TCF12: variants seen among roughly 807,000 people sequenced by gnomAD.
TCF12 encodes the protein transcription factor 12.
TCF12 carries 45 observed loss-of-function variants against 86.0 expected under a neutral mutation model. That is an observed-to-expected ratio of 0.52 (90% CI 0.41 to 0.67). TCF12 has a LOEUF of 0.67. Among genes scored for constraint, TCF12 ranks in the 30% least tolerant of loss-of-function variants. The probability of loss-of-function intolerance (pLI) is 0.00; values close to 1 mark genes in which losing one functional copy is unlikely to be tolerated. For synonymous variants in TCF12, 330 were observed against 299.6 expected (o/e 1.10, Z -1.05); for missense variants, 881 against 859.9 (o/e 1.02, Z -0.31).
At chr15:57,252,386 G>A (rs201270050) in intron 14 of TCF12, 35 bp from the exon 15 acceptor site, 4 of 1,574,912 alleles carry the variant, frequency 2.5e-6, no homozygotes, top group Non-Finnish European at 3.5e-6. Context: ...ATCTTAACCT[G>A]TGCTTTGCCT....
intron 5 of TCF12, among the ~76,000 whole-genome samples, chr15:57,104,588 C>T (rs1012009871): frequency 1.3e-5 from 2 of 150,968 alleles, no homozygotes; most frequent in Non-Finnish European, 3.0e-5. Flanking sequence ...ACTACAGGCG[C>T]GCACACCCAG....
At chr15:56,939,414 A>T (rs1310423975) in intron 3 of TCF12, among the ~76,000 whole-genome samples, 4 of 151,176 alleles carry the variant, frequency 2.6e-5, no homozygotes, top group Non-Finnish European at 4.4e-5. Context: ...CCCTATAATT[A>T]AAAAAAAAGT....
intron 7 of TCF12, among the ~76,000 whole-genome samples, chr15:57,197,149 C>CTTTTTT (rs2057304439): frequency 1.5e-5 from 1 of 68,010 alleles, no homozygotes; most frequent in African/African-American, 4.9e-5. Context: ...CACAGAACAG[C>CTTTTTT]TTCTTTTTTT....
chr15:56,967,863 GT>G (rs1177735492), intron 3 of TCF12, among the ~76,000 whole-genome samples: 7 of 151,008 alleles, frequency 4.6e-5, no homozygotes, highest in African/African-American at 1.5e-4. Flanking sequence ...TGTGAATGTT[GT>G]TTTTTTTTAA....
intron 3 of TCF12, among the ~76,000 whole-genome samples, chr15:56,924,425 G>A (rs1045933009): frequency 6.6e-6 from 1 of 152,122 alleles, no homozygotes; most frequent in African/African-American, 2.4e-5. Flanking sequence ...AGCATTACTT[G>A]AACATATCAA....
At chr15:57,084,888 A>T (rs995922170) in intron 4 of TCF12, among the ~76,000 whole-genome samples, 1 of 152,156 alleles carries the variant, frequency 6.6e-6, no homozygotes, top group South Asian at 2.1e-4. Context: ...AAGTTAGTAC[A>T]TTAATTTAGA....
intron 3 of TCF12, among the ~76,000 whole-genome samples, chr15:57,007,796 T>TTCTTTCTTTCTC (rs1464230950): frequency 2.9e-4 from 39 of 136,802 alleles, no homozygotes; most frequent in African/African-American, 1.1e-3. Flanking sequence ...CTTTCTCTCT[T>TTCTTTCTTTCTC]TCTTTCTTTC....
intron 5 of TCF12, among the ~76,000 whole-genome samples, chr15:57,165,987 C>T (rs969362330): frequency 6.6e-6 from 1 of 151,910 alleles, no homozygotes; most frequent in African/African-American, 2.4e-5. Context: ...AAATACTATA[C>T]GTTGAAAATA....
intron 3 of TCF12, among the ~76,000 whole-genome samples, chr15:57,045,664 A>G (rs868826541): frequency 3.3e-5 from 5 of 150,480 alleles, no homozygotes; most frequent in Non-Finnish European, 5.9e-5. Context: ...TCCCACCTCA[A>G]CCTCCCAAGT....
At chr15:57,017,378 T>G (rs2065213291) in intron 3 of TCF12, among the ~76,000 whole-genome samples, 1 of 152,272 alleles carries the variant, frequency 6.6e-6, no homozygotes. Flanking sequence ...TGCTTATTTC[T>G]TGTAAATGAA....
At chr15:56,936,503 C>G (rs536515824) in intron 3 of TCF12, among the ~76,000 whole-genome samples, 2 of 152,122 alleles carry the variant, frequency 1.3e-5, no homozygotes, top group African/African-American at 4.8e-5. Context: ...ACCTCTTTAT[C>G]TTTGTTTTTG....
chr15:57,264,195 C>CTTTTTATTTTTTTTTTTTTTTTTTTTTTT (rs2060728964), intron 18 of TCF12, among the ~76,000 whole-genome samples: 1 of 50,698 alleles, frequency 2.0e-5, no homozygotes, highest in East Asian at 8.3e-4. Context: ...CTTTTGTAAG[C>CTTTTTATTTTTTTTTTTTTTTTTTTTTTT]TTTTTTTTTT....
intron 4 of TCF12, among the ~76,000 whole-genome samples, chr15:57,080,396 G>C (rs530300488): frequency 6.6e-6 from 1 of 152,260 alleles, no homozygotes; most frequent in Non-Finnish European, 1.5e-5. Context: ...CTTCATTGCC[G>C]GTTCTTTGTT....
At chr15:57,031,929 A>C (rs536282220) in intron 3 of TCF12, among the ~76,000 whole-genome samples, 1 of 152,094 alleles carries the variant, frequency 6.6e-6, no homozygotes, top group Non-Finnish European at 1.5e-5. Flanking sequence ...TCTGAGGGGG[A>C]GGGTACCTTC....
intron 1 of TCF12, 33 bp from the exon 2 acceptor site, chr15:56,919,859 G>C: frequency 6.3e-7 from 1 of 1,594,018 alleles, no homozygotes; most frequent in South Asian, 1.1e-5. Context: ...GGGCCTCGGT[G>C]GTCTCTCGCT....
intron 4 of TCF12, among the ~76,000 whole-genome samples, chr15:57,086,756 A>G (rs1299578459): frequency 6.7e-6 from 1 of 150,372 alleles, no homozygotes; most frequent in Non-Finnish European, 1.5e-5. Flanking sequence ...AAATTTTTTA[A>G]TAGAATTTTA....
chr15:57,038,891 A>G (rs1246887447), intron 3 of TCF12, among the ~76,000 whole-genome samples: 3 of 152,188 alleles, frequency 2.0e-5, no homozygotes, highest in African/African-American at 7.2e-5. Context: ...ATATATGTAC[A>G]TTATTTGTAC....
chr15:57,143,158 C>G (rs202244222), intron 5 of TCF12, among the ~76,000 whole-genome samples: 2 of 125,304 alleles, frequency 1.6e-5, no homozygotes, highest in Non-Finnish European at 3.5e-5. Flanking sequence ...TGCCCCCCCC[C>G]ACCAAAAAAA....
At chr15:57,055,175 C>G (rs1393052292) in intron 3 of TCF12, among the ~76,000 whole-genome samples, 2 of 152,026 alleles carry the variant, frequency 1.3e-5, no homozygotes, top group Admixed American at 1.3e-4. Context: ...CCGAAGCAGG[C>G]GAATCAAGCC....
Sources: gnomAD v4.1 joint callset for allele counts (sites outside exome capture counted in the v4.1 genomes callset) on GRCh38, gnomAD v4.1.1 for gene constraint, MANE v1.5 for transcripts, NCBI Gene and HGNC (gene_info 2026-07-23, HGNC 2026-07-21) for gene names.